The following CCDC88A variants were observed in gnomAD, a reference collection of about 807,000 sequenced individuals.
CCDC88A encodes the protein girdin.
Under a neutral mutation model 234.3 loss-of-function variants are expected in CCDC88A, and 54 were observed. That is an observed-to-expected ratio of 0.23 (90% CI 0.19 to 0.29). The LOEUF is 0.29. Among genes scored for constraint, CCDC88A ranks in the 10% least tolerant of loss-of-function variants. The pLI is 1.00. For missense variants in CCDC88A, 1,832 were observed against 2,123.4 expected (o/e 0.86, Z 2.70); for synonymous variants, 753 against 737.8 (o/e 1.02, Z -0.33).
intron 26 of CCDC88A, 45 bp from the exon 27 acceptor site, chr2:55,302,117 T>C (rs766969772): frequency 8.9e-6 from 13 of 1,453,670 alleles, no homozygotes; most frequent in Non-Finnish European, 1.3e-5. Flanking sequence ...GTTAATGTAT[T>C]TGTTCTTATT....
chr2:55,347,966 A>AC (rs1669381746), intron 9 of CCDC88A, among the ~76,000 whole-genome samples: 3 of 143,446 alleles, frequency 2.1e-5, no homozygotes, highest in Admixed American at 2.1e-4. Flanking sequence ...TTTTTTAATG[A>AC]CTTTTTTTTT....
intron 17 of CCDC88A, among the ~76,000 whole-genome samples, chr2:55,326,576 T>C (rs1424647037): frequency 6.6e-6 from 1 of 152,202 alleles, no homozygotes; most frequent in Non-Finnish European, 1.5e-5. Context: ...ATGATGGCTT[T>C]TTTTGAGACA....
rs530523033 is a variant in CCDC88A, at chr2:55,377,754, C to T, written c.274-2871G>A. The stretch of plus-strand genomic sequence containing the variant: ...CCTCCTGAGTAACTGGGATTACAGG[C>T]GCACGCCACCATGCCTGGCTAATTT... On this transcript the variant is annotated intron_variant, in intron 3 of 32. Coordinates refer to ENST00000436346, the MANE Select transcript of CCDC88A (RefSeq NM_001365480.1). 1.6e-4 allele frequency among the ~76,000 whole-genome samples: 25 copies of T among 152,034 alleles called. No homozygotes were observed. In the East Asian group the frequency reaches 4.5e-3, roughly 27 times the overall value.
At chr2:55,410,892 CAA>C (rs71924495) in intron 2 of CCDC88A, among the ~76,000 whole-genome samples, 195 of 131,860 alleles carry the variant, frequency 1.5e-3, no homozygotes, top group Middle Eastern at 4.0e-3. Flanking sequence ...GGCCTTGTCT[CAA>C]AAAAAAAAAA....
chr2:55,390,915 G>A (rs1338459080), intron 2 of CCDC88A, among the ~76,000 whole-genome samples: 1 of 152,082 alleles, frequency 6.6e-6, no homozygotes, highest in Non-Finnish European at 1.5e-5. Flanking sequence ...TAAAACGGGA[G>A]GAATGCCTGA....
intron 2 of CCDC88A, among the ~76,000 whole-genome samples, chr2:55,412,649 G>A (rs780939931): frequency 2.6e-5 from 4 of 152,136 alleles, no homozygotes; most frequent in Admixed American, 6.5e-5. Context: ...TGTAAAAATC[G>A]TCTTCCATGA....
chr2:55,378,103 T>G (rs746503709), intron 3 of CCDC88A, among the ~76,000 whole-genome samples: 2 of 152,212 alleles, frequency 1.3e-5, no homozygotes, highest in Non-Finnish European at 2.9e-5. Context: ...GGTACACTGT[T>G]ATAAGCAAAA....
chr2:55,414,614 G>A (rs971090439), intron 2 of CCDC88A, among the ~76,000 whole-genome samples: 1 of 152,174 alleles, frequency 6.6e-6, no homozygotes, highest in Non-Finnish European at 1.5e-5. Flanking sequence ...TCAAGTCAGT[G>A]AAAAGACTTC....
Position 55,335,745 on chromosome 2 carries a change from A to T in CCDC88A, c.1657-581T>A, listed in dbSNP as rs949276513. ...AGCGTGATCTAATACAATGATTCTC[A>T]AAATTTAGTGTGTTAAATAATCTCA... is the stretch of plus-strand genomic sequence containing the variant. On this transcript the variant is annotated intron_variant, in intron 14 of 32. Transcript: ENST00000436346. The surrounding 1 kb of genome is among the most constrained non-coding windows in gnomAD (Gnocchi z 4.5). Among the ~76,000 whole-genome samples, 1 of 152,240 alleles carries T rather than the reference A, an allele frequency of 6.6e-6. No individual in the cohort carries two copies. The highest frequency in any genetic ancestry group is 2.4e-5 in the African/African-American group (1 of 41,462).
rs1300070646 is a variant in CCDC88A at position 55,309,036 on chromosome 2, T to A, written c.4173-13A>T. ...CCAGTTGCCTCTCCTAACAGAATTTTAAAAATTGTTATCAGTTTAAAATTC... is the reference window on the plus strand; with the variant it reads ...CCAGTTGCCTCTCCTAACAGAATTTAAAAAATTGTTATCAGTTTAAAATTC... On this transcript the variant is annotated splice_polypyrimidine_tract_variant and intron_variant, in intron 24 of 32. Transcript: ENST00000436346. This position sits in a 1 kb window ranked among gnomAD's most constrained non-coding sequence, Gnocchi z 5.1. 2.5e-6 allele frequency: 4 copies of A among 1,585,100 alleles called. No individual in the cohort carries two copies. The highest frequency in any genetic ancestry group is 3.5e-6 in the Non-Finnish European group (4 of 1,154,718).
chr2:55,383,036 T>C (rs1674842776), intron 3 of CCDC88A, among the ~76,000 whole-genome samples: 1 of 150,066 alleles, frequency 6.7e-6, no homozygotes, highest in Non-Finnish European at 1.5e-5. Context: ...ACATTAGAAT[T>C]TGTATTGAGC....
At position 55,301,661 on chromosome 2, in the gene CCDC88A, T is replaced by A. The variant is rs908652634; in HGVS notation, c.4672+211A>T. 9 of 582,478 alleles carry A rather than the reference T, an allele frequency of 1.5e-5. No homozygotes were observed. The African/African-American group carries it at 1.7e-4, about 11-fold the overall frequency. 36.1% of individuals were successfully genotyped at this position (582,478 alleles called of 1,614,324 possible). On this transcript the variant is annotated intron_variant, in intron 27 of 32. Coordinates refer to ENST00000436346, the MANE Select transcript of CCDC88A (RefSeq NM_001365480.1). ...TTTTCTTGTTAATTCATTAGCTGTTTATTATGAAAGGAGGCCTGGAAAAGA... is the reference window on the plus strand; with the variant it reads ...TTTTCTTGTTAATTCATTAGCTGTTAATTATGAAAGGAGGCCTGGAAAAGA...
Position 55,307,558 on chromosome 2 carries a change from T to C in CCDC88A, c.4387+1251A>G, listed in dbSNP as rs563708867. ...TTAGTAGAGACGGGGTTTCTCCATG[T>C]TGGTCAGGCTGGTCTCCAACTCCCA... On this transcript the variant is annotated intron_variant, in intron 25 of 32. Transcript: ENST00000436346. Among the ~76,000 whole-genome samples the C allele has an allele frequency of 2.0e-5, 3 of 152,156 alleles. No individual in the cohort carries two copies. In the East Asian group the frequency reaches 5.8e-4, roughly 30 times the overall value.
intron 2 of CCDC88A, among the ~76,000 whole-genome samples, chr2:55,397,964 T>A (rs920553884): frequency 1.3e-5 from 2 of 152,160 alleles, no homozygotes; most frequent in African/African-American, 4.8e-5. Flanking sequence ...GAAGGAATTA[T>A]ATAGTTATAT....
intron 25 of CCDC88A, among the ~76,000 whole-genome samples, chr2:55,307,271 G>GTA (rs999329019): frequency 6.6e-6 from 1 of 151,770 alleles, no homozygotes; most frequent in African/African-American, 2.4e-5. Context: ...GGTTATAATT[G>GTA]TATAGAGCAT....
chr2:55,325,778 C>A (rs1558670930), intron 17 of CCDC88A, among the ~76,000 whole-genome samples: 1 of 152,188 alleles, frequency 6.6e-6, no homozygotes, highest in East Asian at 1.9e-4. Flanking sequence ...ATGTATTTTG[C>A]AGCTCTGTTA....
At chr2:55,294,876 G>C in intron 31 of CCDC88A, 1 of 1,062,400 alleles carries the variant, frequency 9.4e-7, no homozygotes, top group Non-Finnish European at 1.1e-6. Context: ...ATTTCATGCA[G>C]GTTTTGGTGT....
intron 3 of CCDC88A, among the ~76,000 whole-genome samples, chr2:55,387,735 T>C (rs938293555): frequency 5.1e-5 from 7 of 138,600 alleles, no homozygotes; most frequent in Non-Finnish European, 7.5e-5. Context: ...TGAGATGAGA[T>C]TGCGCCACTG....
At chr2:55,375,533 T>TG (rs1293984748) in intron 3 of CCDC88A, among the ~76,000 whole-genome samples, 3 of 88,588 alleles carry the variant, frequency 3.4e-5, no homozygotes, top group Non-Finnish European at 7.8e-5. Flanking sequence ...ATAAATATGT[T>TG]GGGTTTTTTT....
Sources: gnomAD v4.1 joint callset for allele counts (sites outside exome capture counted in the v4.1 genomes callset) on GRCh38, gnomAD v4.1.1 for gene constraint, Gnocchi (gnomAD v3.1) non-coding constraint, MANE v1.5 for transcripts, NCBI Gene and HGNC (gene_info 2026-07-23, HGNC 2026-07-21) for gene names.